SHANK2: variants seen among roughly 807,000 people sequenced by gnomAD.
The protein encoded by SHANK2 is SH3 and multiple ankyrin repeat domains protein 2.
In SHANK2, 43 loss-of-function variants were observed where a neutral mutation model predicts 133.7. The observed-to-expected ratio is 0.32, with a 90% CI of 0.25 to 0.41. The LOEUF (loss-of-function observed/expected upper bound fraction) is 0.41, where lower values mean the gene tolerates loss of function less well. Ranked by LOEUF, SHANK2 falls within the 10% of genes least tolerant of loss-of-function variation. The probability of loss-of-function intolerance (pLI) is 1.00; values close to 1 mark genes in which losing one functional copy is unlikely to be tolerated. For synonymous variants in SHANK2, 1,017 were observed against 952.8 expected, an observed-to-expected ratio of 1.07 and a Z score of -1.24; for missense variants, 1,994 against 2,235.8, an observed-to-expected ratio of 0.89 and a Z score of 2.18.
At chr11:71,162,553 AGAACAGT>A (rs1555110072) in intron 2 of SHANK2, among the ~76,000 whole-genome samples, 1 of 152,278 alleles carries the variant, frequency 6.6e-6, no homozygotes, top group African/African-American at 2.4e-5. Context: ...GTAAAATTAT[AGAACAGT>A]GAAGACAAAT....
At chr11:71,115,746 C>T (rs917380361) in intron 4 of SHANK2, among the ~76,000 whole-genome samples, 4 of 152,158 alleles carry the variant, frequency 2.6e-5, no homozygotes, top group South Asian at 2.1e-4. Flanking sequence ...AGAGGAGACT[C>T]CCAAATTCTC....
chr11:70,486,332 C>T lies in SHANK2; in HGVS notation c.3961G>A (p.Ala1321Thr), dbSNP rs555445178. The change falls in exon 25 of 26, where the codon GCC becomes ACC. Residue 1321 changes from alanine to threonine, a missense_variant. Physicochemically the swap from Ala to Thr is moderately conservative, Grantham distance 58. Coordinates refer to ENST00000601538, the MANE Select transcript of SHANK2 (RefSeq NM_012309.5). The surrounding 1 kb of genome is among the most constrained non-coding windows in gnomAD (Gnocchi z 8.0). ...AGLLMVHTVD[A>T]TKLDNALQEE... ...TGCAGGGCGTTGTCCAGCTTAGTGG[C>T]GTCCACGGTGTGCACCATCAGCAGG... 1.2e-5 allele frequency: 19 copies of T among 1,613,912 alleles called. No homozygotes were observed. The highest frequency in any genetic ancestry group is 4.4e-5 in the South Asian group (4 of 91,076).
intron 6 of SHANK2, among the ~76,000 whole-genome samples, chr11:71,107,417 G>A (rs1555098142): frequency 6.6e-6 from 1 of 152,134 alleles, no homozygotes; most frequent in African/African-American, 2.4e-5. Flanking sequence ...TGACACCAGG[G>A]GTTCCTCTGT....
At chr11:70,943,980 T>C (rs781919661) in intron 10 of SHANK2, 31 of 456,602 alleles carry the variant, frequency 6.8e-5, no homozygotes, top group South Asian at 4.6e-4. Flanking sequence ...GTTTCACTCA[T>C]TTATCACACA....
intron 11 of SHANK2, among the ~76,000 whole-genome samples, chr11:70,857,469 C>T (rs1555067030): frequency 6.6e-6 from 1 of 152,172 alleles, no homozygotes; most frequent in East Asian, 1.9e-4. Context: ...CAGTCATGTG[C>T]CCAACAGATG....
At chr11:71,126,320 CAT>C (rs199510660) in intron 3 of SHANK2, among the ~76,000 whole-genome samples, 1,809 of 150,250 alleles carry the variant, frequency 0.012, 37 homozygotes, top group African/African-American at 0.042. Context: ...GTTTACAACA[CAT>C]GTTACTGAAT....
chr11:70,752,351 A>G (rs1158799050), intron 14 of SHANK2, among the ~76,000 whole-genome samples: 6 of 152,362 alleles, frequency 3.9e-5, no homozygotes, highest in Non-Finnish European at 5.9e-5. Context: ...CAGAGTGGCT[A>G]TATTAATATC....
At chr11:70,948,212 C>T (rs753766931) in intron 10 of SHANK2, 3 of 453,618 alleles carry the variant, frequency 6.6e-6, no homozygotes, top group Non-Finnish European at 1.3e-5. Flanking sequence ...CAGCTCCGTA[C>T]CATTCCACCC....
intron 12 of SHANK2, among the ~76,000 whole-genome samples, chr11:70,819,021 A>C (rs1555055131): frequency 6.6e-6 from 1 of 152,230 alleles, no homozygotes; most frequent in African/African-American, 2.4e-5. Flanking sequence ...GCAACAGAGC[A>C]TGACCCAGGC....
At chr11:71,084,979 C>CA (rs1438325980) in intron 8 of SHANK2, among the ~76,000 whole-genome samples, 27 of 152,082 alleles carry the variant, frequency 1.8e-4, no homozygotes, top group Non-Finnish European at 2.2e-4. Flanking sequence ...ACCATTTTTA[C>CA]AAAGACAAGC....
At chr11:70,939,856 C>T (rs1950620793) in intron 10 of SHANK2, among the ~76,000 whole-genome samples, 1 of 152,216 alleles carries the variant, frequency 6.6e-6, no homozygotes, top group African/African-American at 2.4e-5. Context: ...AGTTAACGAT[C>T]TTCAGATGCA....
intron 15 of SHANK2, among the ~76,000 whole-genome samples, chr11:70,697,313 G>A (rs1313203252): frequency 6.6e-6 from 1 of 152,200 alleles, no homozygotes; most frequent in Admixed American, 6.5e-5. Flanking sequence ...AATTGGGGGC[G>A]GGGAAGGAAT....
rs1468783392 is a variant in SHANK2, at chr11:71,167,316, C to T, written c.-12-19978G>A. ...TGAGCTGTTGGGTACACCTCCCAGA[C>T]GGGGTGGTGGCCGGGCAGAGGGGCT... On this transcript the variant is annotated intron_variant, in intron 2 of 25. Transcript: ENST00000601538. 1.8e-4 allele frequency among the ~76,000 whole-genome samples: 28 copies of T among 152,048 alleles called. No homozygotes were observed. The East Asian group carries it at 4.5e-3, about 24-fold the overall frequency.
chr11:71,189,929 C>A (rs903260997), intron 2 of SHANK2, among the ~76,000 whole-genome samples: 3 of 152,238 alleles, frequency 2.0e-5, no homozygotes, highest in Non-Finnish European at 4.4e-5. Context: ...ACTGTTAGGA[C>A]AAGACGGGCA....
At chr11:71,214,752 A>G (rs1323558917) in intron 2 of SHANK2, among the ~76,000 whole-genome samples, 1 of 152,096 alleles carries the variant, frequency 6.6e-6, no homozygotes, top group Non-Finnish European at 1.5e-5. Flanking sequence ...GGGGTGGGGT[A>G]TCGCGCAGTT....
chr11:71,084,252 T>C (rs1018018751), intron 8 of SHANK2, among the ~76,000 whole-genome samples: 33 of 152,320 alleles, frequency 2.2e-4, no homozygotes, highest in Non-Finnish European at 4.4e-4. Flanking sequence ...ATTACAGGCA[T>C]AAGCCACCGC....
chr11:70,912,607 C>T (rs2135729922), intron 10 of SHANK2, among the ~76,000 whole-genome samples: 1 of 152,310 alleles, frequency 6.6e-6, no homozygotes, highest in Admixed American at 6.5e-5. Flanking sequence ...TGTAAGTCCA[C>T]ATGCTAAACC....
chr11:70,801,072 T>C (rs1555050389), intron 13 of SHANK2, among the ~76,000 whole-genome samples: 1 of 152,208 alleles, frequency 6.6e-6, no homozygotes, highest in African/African-American at 2.4e-5. Flanking sequence ...ATCTAGCTCA[T>C]AAGTGTTTCT....
chr11:70,629,589 TC>T lies in SHANK2; in HGVS notation c.2061+30238del, dbSNP rs554182996. Reference sequence around the variant, plus strand: ...GCTGGCAAACACTGGGGACTCCAGCTCCCCTAAGGGCCTCCGAACTGCTGCC... The same window carrying T: ...GCTGGCAAACACTGGGGACTCCAGCTCCCTAAGGGCCTCCGAACTGCTGCC... On this transcript the variant is annotated intron_variant, in intron 17 of 25. Coordinates refer to ENST00000601538, the MANE Select transcript of SHANK2 (RefSeq NM_012309.5). 2.0e-4 allele frequency among the ~76,000 whole-genome samples: 31 copies of T among 151,980 alleles called. No individual in the cohort carries two copies. The East Asian group carries it at 4.5e-3, about 22-fold the overall frequency.
Sources: gnomAD v4.1 joint callset for allele counts (sites outside exome capture counted in the v4.1 genomes callset) on GRCh38, gnomAD v4.1.1 for gene constraint, Gnocchi (gnomAD v3.1) non-coding constraint, MANE v1.5 for transcripts, NCBI Gene and HGNC (gene_info 2026-07-23, HGNC 2026-07-21) for gene names.